The following LPP variants were observed in gnomAD, a reference collection of about 807,000 sequenced individuals.
The protein encoded by LPP is lipoma-preferred partner.
In LPP, 38 loss-of-function variants were observed where a neutral mutation model predicts 60.4. The observed-to-expected ratio is 0.63, with a 90% CI of 0.49 to 0.83. LPP has a LOEUF of 0.83. Ranked by LOEUF, LPP falls within the 40% of genes least tolerant of loss-of-function variation. LPP has a pLI of 0.00. For synonymous variants in LPP, 328 were observed against 290.8 expected, an observed-to-expected ratio of 1.13 and a Z score of -1.30; for missense variants, 902 against 783.6, an observed-to-expected ratio of 1.15 and a Z score of -1.80.
At position 188,379,858 on chromosome 3, in the gene LPP, G is replaced by A. The variant is rs186598526; in HGVS notation, c.-9-26254G>A. 9.2e-3 allele frequency among the ~76,000 whole-genome samples: 1,404 copies of A among 152,254 alleles called. 24 individuals carry two copies. The highest frequency in any genetic ancestry group is 0.011 in the Non-Finnish European group (734 of 68,016). On this transcript the variant is annotated intron_variant, in intron 3 of 11. Transcript: ENST00000617246. ...GAGATTAACCTTTGTAAGAAACCAC[G>A]GTCTGTGTTTGAAAGGTTGAAAGTA...
intron 9 of LPP, among the ~76,000 whole-genome samples, chr3:188,858,613 C>G (rs941473879): frequency 4.6e-5 from 7 of 152,130 alleles, no homozygotes; most frequent in Admixed American, 4.6e-4. Context: ...TTGAATAGAA[C>G]GGCCTAATTG....
intron 7 of LPP, among the ~76,000 whole-genome samples, chr3:188,639,125 G>C (rs962322569): frequency 4.6e-5 from 7 of 152,110 alleles, no homozygotes; most frequent in African/African-American, 1.4e-4. Flanking sequence ...ATACTACAAG[G>C]CTACGGTAAC....
At position 188,609,462 on chromosome 3, in the gene LPP, A is replaced by G. The variant is rs1034214470; in HGVS notation, c.731A>G (p.Tyr244Cys). Residue 244 changes from tyrosine to cysteine, a missense_variant, in exon 7 of 12, where the codon TAT (tyrosine) becomes TGT (cysteine). Transcript: ENST00000617246. The surrounding 1 kb of genome is among the most constrained non-coding windows in gnomAD (Gnocchi z 6.9). ...GCTGCCCCTTCATCAGGACAAATTTATGGCTCAGGGCCCCAGGGCTATAAC... is the reference window on the plus strand; with the variant it reads ...GCTGCCCCTTCATCAGGACAAATTTGTGGCTCAGGGCCCCAGGGCTATAAC... Reference protein sequence around the residue: ...YMAAPSSGQIYGSGPQGYNTQ... With the variant: ...YMAAPSSGQICGSGPQGYNTQ... 14 of 1,614,020 alleles carry G rather than the reference A, an allele frequency of 8.7e-6. No individual in the cohort carries two copies. The highest frequency in any genetic ancestry group is 1.1e-5 in the Non-Finnish European group (13 of 1,180,020).
At chr3:188,487,041 A>C (rs539453529) in intron 5 of LPP, among the ~76,000 whole-genome samples, 12 of 152,314 alleles carry the variant, frequency 7.9e-5, no homozygotes, top group Non-Finnish European at 1.2e-4. Flanking sequence ...ATTGTCATAG[A>C]AACTATTTTG....
At chr3:188,382,116 C>A (rs949590003) in intron 3 of LPP, among the ~76,000 whole-genome samples, 1 of 152,100 alleles carries the variant, frequency 6.6e-6, no homozygotes, top group African/African-American at 2.4e-5. Context: ...GAGAAAAAAG[C>A]CCTGCTTTCT....
intron 1 of LPP, among the ~76,000 whole-genome samples, chr3:188,219,908 A>G (rs76790336): frequency 6.6e-6 from 1 of 152,182 alleles, no homozygotes; most frequent in African/African-American, 2.4e-5. Flanking sequence ...CACAGACGCC[A>G]TCTTGGGAAG....
intron 2 of LPP, among the ~76,000 whole-genome samples, chr3:188,292,266 G>A (rs576003749): frequency 8.4e-4 from 128 of 152,334 alleles, no homozygotes; most frequent in Admixed American, 4.7e-3. Context: ...TGTACAAACT[G>A]GATGGGCATA....
At chr3:188,502,416 A>T (rs1232466430) in intron 5 of LPP, among the ~76,000 whole-genome samples, 4 of 151,538 alleles carry the variant, frequency 2.6e-5, no homozygotes, top group Non-Finnish European at 5.9e-5. Context: ...ATTTTCTCTG[A>T]TATTTTGCTA....
Position 188,188,479 on chromosome 3 carries a change from G to A in LPP, c.-190+34227G>A, listed in dbSNP as rs531033807. ...GATGCTCTTGTCACCTAAAATCTTT[G>A]TATAACAATTATTTGGCGAAGTGTT... On this transcript the variant is annotated intron_variant, in intron 1 of 11. Coordinates refer to ENST00000617246, the MANE Select transcript of LPP (RefSeq NM_001375462.1). Among the ~76,000 whole-genome samples, 8 of 151,942 alleles carry A rather than the reference G, an allele frequency of 5.3e-5. No homozygotes were observed. In the East Asian group the frequency reaches 9.7e-4, roughly 18 times the overall value.
intron 8 of LPP, among the ~76,000 whole-genome samples, chr3:188,751,173 C>T (rs1727955680): frequency 6.6e-6 from 1 of 152,102 alleles, no homozygotes; most frequent in Admixed American, 6.5e-5. Context: ...TTTGGGTTCC[C>T]TTATTATCAG....
chr3:188,808,109 A>G (rs143070341), intron 9 of LPP, among the ~76,000 whole-genome samples: 14 of 152,138 alleles, frequency 9.2e-5, no homozygotes, highest in South Asian at 8.3e-4. Context: ...TTAGTGCACC[A>G]CAGATTTCAA....
At chr3:188,223,680 G>C (rs997417383) in intron 1 of LPP, among the ~76,000 whole-genome samples, 1 of 152,116 alleles carries the variant, frequency 6.6e-6, no homozygotes, top group African/African-American at 2.4e-5. Flanking sequence ...TAAAAATCTG[G>C]GAAGTCAGAT....
intron 7 of LPP, among the ~76,000 whole-genome samples, chr3:188,670,042 G>A (rs898691715): frequency 6.6e-6 from 1 of 152,156 alleles, no homozygotes; most frequent in Non-Finnish European, 1.5e-5. Context: ...TCATAGGTGG[G>A]AATTGAACAA....
At chr3:188,527,969 C>T (rs1349548454) in intron 6 of LPP, among the ~76,000 whole-genome samples, 2 of 152,118 alleles carry the variant, frequency 1.3e-5, no homozygotes, top group African/African-American at 4.8e-5. Flanking sequence ...CTCCATGACA[C>T]TGCATGGATT....
At chr3:188,662,843 T>C (rs529583830) in intron 7 of LPP, among the ~76,000 whole-genome samples, 4 of 152,358 alleles carry the variant, frequency 2.6e-5, no homozygotes, top group African/African-American at 9.6e-5. Context: ...GTAAATAATA[T>C]TATAACGTCC....
intron 4 of LPP, among the ~76,000 whole-genome samples, chr3:188,462,559 T>A (rs1363173769): frequency 7.6e-5 from 3 of 39,734 alleles, no homozygotes; most frequent in South Asian, 1.1e-3. Context: ...TATATATATA[T>A]ATATATATAT....
At chr3:188,173,361 G>A (rs907963537) in intron 1 of LPP, among the ~76,000 whole-genome samples, 10 of 152,012 alleles carry the variant, frequency 6.6e-5, no homozygotes, top group Non-Finnish European at 1.2e-4. Flanking sequence ...AAAATTAGCC[G>A]GGTGTGGTGG....
At chr3:188,441,609 CTTTTTTTTTTTTTTTTT>C (rs1004222826) in intron 4 of LPP, among the ~76,000 whole-genome samples, 2 of 55,652 alleles carry the variant, frequency 3.6e-5, no homozygotes, top group Non-Finnish European at 6.8e-5. Context: ...CTTTTCTTTT[CTTTTTTTTTTTTTTTTT>C]TTTTTTTTTT....
chr3:188,313,106 A>C (rs1432167150), intron 2 of LPP, among the ~76,000 whole-genome samples: 1 of 151,278 alleles, frequency 6.6e-6, no homozygotes, highest in African/African-American at 2.4e-5. Flanking sequence ...CACGTTGTGC[A>C]CATGTACCCC....
Sources: allele counts gnomAD v4.1 joint callset (sites outside exome capture counted in the v4.1 genomes callset), GRCh38; gene constraint gnomAD v4.1.1; non-coding constraint Gnocchi (gnomAD v3.1); transcripts MANE v1.5; gene names NCBI Gene and HGNC (gene_info 2026-07-23, HGNC 2026-07-21).